GLS: variants seen among roughly 807,000 people sequenced by gnomAD.
GLS encodes the protein glutaminase kidney isoform, mitochondrial.
In GLS, 36 loss-of-function variants were observed where a neutral mutation model predicts 86.7. The ratio of observed to expected loss-of-function variants is 0.42; its 90% CI spans 0.32 to 0.55. The LOEUF is 0.55. Ranked by LOEUF, GLS falls within the 20% of genes least tolerant of loss-of-function variation. The pLI, the probability that GLS is intolerant of heterozygous loss-of-function variation, is 0.17. For missense variants in GLS, 528 were observed against 833.4 expected, an observed-to-expected ratio of 0.63 and a Z score of 4.51; for synonymous variants, 317 against 305.9, an observed-to-expected ratio of 1.04 and a Z score of -0.38.
Position 190,947,806 on chromosome 2 carries a change from G to A in GLS, c.1651-5759G>A, listed in dbSNP as rs1033249. On this transcript the variant is annotated intron_variant, in intron 14 of 17. Coordinates refer to ENST00000320717, the MANE Select transcript of GLS (RefSeq NM_014905.5). The surrounding 1 kb of genome is among the most constrained non-coding windows in gnomAD (Gnocchi z 5.0). ...ACCTACATCCTTTGCAAGTATTGGT[G>A]TGGAGGTGGATGACTGATCTTCTAG... 0.11 allele frequency among the ~76,000 whole-genome samples: 15,992 copies of A among 152,180 alleles called. 1,179 individuals carry two copies. Among genetic ancestry groups the A allele is most frequent in the Non-Finnish European group, 0.17 (11,301 of 67,966 alleles).
intron 17 of GLS, among the ~76,000 whole-genome samples, chr2:190,957,564 T>C (rs1430961047): frequency 6.6e-6 from 1 of 152,230 alleles, no homozygotes; most frequent in Non-Finnish European, 1.5e-5. Flanking sequence ...ATAGCTCTTA[T>C]TATTTTGAGA....
intron 1 of GLS, 163 bp downstream of exon 1, chr2:190,881,633 GCCCCGCCCGCGCCTT>G (rs959908716): frequency 5.1e-5 from 32 of 627,880 alleles, no homozygotes; most frequent in Non-Finnish European, 6.8e-5. Flanking sequence ...ATTAGGCCCG[GCCCCGCCCGCGCCTT>G]CCCCGCCCGC....
chr2:190,917,317 T>C (rs1029994148), intron 7 of GLS, among the ~76,000 whole-genome samples: 1 of 152,232 alleles, frequency 6.6e-6, no homozygotes, highest in African/African-American at 2.4e-5. Context: ...TCCTCATCCG[T>C]TGAAGTTTTA....
At position 190,921,252 on chromosome 2, in the gene GLS, T is replaced by C. The variant is rs773029212; in HGVS notation, c.1130+49T>C. The C allele has an allele frequency of 8.6e-6, 10 of 1,162,214 alleles. No homozygotes were observed. The South Asian group carries it at 1.1e-4, about 13-fold the overall frequency. The allele number at this position is 1,162,214 out of a possible 1,614,324, so 72.0% of individuals were successfully genotyped here. A position where few individuals can be genotyped will look rare whatever the true frequency, so the allele number is the denominator to read the frequency against. On this transcript the variant is annotated intron_variant, in intron 9 of 17. Transcript: ENST00000320717. The surrounding 1 kb of genome is among the most constrained non-coding windows in gnomAD (Gnocchi z 4.2). ...GTTACGTAAAAACACACAACTGTAT[T>C]TAGAATTGATCCACTCTCTTTTCAT...
At position 190,938,431 on chromosome 2, in the gene GLS, A is replaced by G. The variant is rs1690336810; in HGVS notation, c.1650+6794A>G. 6.6e-6 allele frequency among the ~76,000 whole-genome samples: 1 copy of G among 151,594 alleles called. No individual in the cohort carries two copies. Among genetic ancestry groups the G allele is most frequent in the Non-Finnish European group, 1.5e-5 (1 of 67,540 alleles). On this transcript the variant is annotated intron_variant, in intron 14 of 17. Coordinates refer to ENST00000320717, the MANE Select transcript of GLS (RefSeq NM_014905.5). The surrounding 1 kb of genome is among the most constrained non-coding windows in gnomAD (Gnocchi z 4.1). Reference sequence around the variant, plus strand: ...AATTTATATTCTGTAAAACAGCCGAAGGCTTTCTTTTGTTTTTAAAACATA... The same window carrying G: ...AATTTATATTCTGTAAAACAGCCGAGGGCTTTCTTTTGTTTTTAAAACATA...
Position 190,962,888 on chromosome 2 carries a change from A to G in GLS, c.1912A>G (p.Ile638Val), listed in dbSNP as rs1205763236. The G allele has an allele frequency of 6.3e-7, 1 of 1,599,490 alleles. No individual in the cohort carries two copies. The highest frequency in any genetic ancestry group is 8.5e-7 in the Non-Finnish European group (1 of 1,175,340). The change falls in exon 18 of 18, where the codon ATT (isoleucine) becomes GTT (valine). Residue 638 changes from isoleucine to valine, a missense_variant. By Grantham distance (29) the Ile-to-Val change is conservative. Around this residue, in one of 4 missense-constraint regions of GLS, gnomAD observed 30 missense variants for 36.9 expected, o/e 0.81. Coordinates refer to ENST00000320717, the MANE Select transcript of GLS (RefSeq NM_014905.5). This position sits in a 1 kb window ranked among gnomAD's most constrained non-coding sequence, Gnocchi z 4.2. The stretch of plus-strand genomic sequence containing the variant: ...CTTTGGACACCATGATGTATTTAAA[A>G]TTCTCCAAGAATACCAAGTCCAGTA... ...LHFGHHDVFK[I>V]LQEYQVQYTP...
At chr2:190,888,455 A>G (rs1253901471) in intron 1 of GLS, among the ~76,000 whole-genome samples, 1 of 152,190 alleles carries the variant, frequency 6.6e-6, no homozygotes, top group Non-Finnish European at 1.5e-5. Flanking sequence ...TTAAGGATGC[A>G]TTATTATACT....
At chr2:190,896,321 A>G in intron 3 of GLS, 1 of 152,280 alleles carries the variant, frequency 6.6e-6, no homozygotes, top group Non-Finnish European at 1.5e-5. Context: ...ATTTGCATAT[A>G]TTTATTATTT....
intron 14 of GLS, chr2:190,933,004 T>C: frequency 4.2e-6 from 5 of 1,188,086 alleles, no homozygotes; most frequent in Non-Finnish European, 5.2e-6. Context: ...TTTTTTTCCT[T>C]TTAATCTTTG....
chr2:190,919,334 C>T (rs1212844889), intron 7 of GLS, among the ~76,000 whole-genome samples: 1 of 152,062 alleles, frequency 6.6e-6, no homozygotes, highest in East Asian at 1.9e-4. Context: ...TTTAGTAAGT[C>T]ACAAAATAGA....
intron 14 of GLS, among the ~76,000 whole-genome samples, chr2:190,942,464 A>C (rs185247747): frequency 4.9e-4 from 74 of 152,304 alleles, no homozygotes; most frequent in African/African-American, 1.7e-3. Context: ...AGAGAGAGAA[A>C]GTTGAAGTTT....
Position 190,913,327 on chromosome 2 carries a change from A to G in GLS, c.1038+3006A>G. ...ATTCTTAACTACTAAGCTTATAGGA[A>G]AACTCCAATATTTAAAATTTTAAAC... On this transcript the variant is annotated intron_variant, in intron 7 of 17. Transcript: ENST00000320717. This position sits in a 1 kb window ranked among gnomAD's most constrained non-coding sequence, Gnocchi z 6.1. The G allele has an allele frequency of 8.3e-7, 1 of 1,211,364 alleles. No homozygotes were observed. Among genetic ancestry groups the G allele is most frequent in the Non-Finnish European group, 1.1e-6 (1 of 941,678 alleles). 75.0% of individuals were successfully genotyped at this position (1,211,364 alleles called of 1,614,324 possible). A position where few individuals can be genotyped will look rare whatever the true frequency, so the allele number is the denominator to read the frequency against.
rs1188858771 is a variant in GLS at position 190,965,491 on chromosome 2, T to A, written c.*2505T>A. On this transcript the variant is annotated 3_prime_UTR_variant, in exon 18 of 18. Transcript: ENST00000320717. The surrounding 1 kb of genome is among the most constrained non-coding windows in gnomAD (Gnocchi z 5.0). The stretch of plus-strand genomic sequence containing the variant: ...ATTCTGAAATTGGGAAACATTTATT[T>A]TAAATGCAATCAGGTAGTGTTGCTT... 6.6e-6 allele frequency: 1 copy of A among 152,664 alleles called. No homozygotes were observed. Among genetic ancestry groups the A allele is most frequent in the Non-Finnish European group, 1.5e-5 (1 of 68,040 alleles). 9.5% of individuals were successfully genotyped at this position (152,664 alleles called of 1,614,324 possible).
At position 190,921,813 on chromosome 2, in the gene GLS, A is replaced by G. The variant is rs1295417118; in HGVS notation, c.1130+610A>G. Among the ~76,000 whole-genome samples the G allele has an allele frequency of 3.3e-5, 5 of 152,104 alleles. No homozygotes were observed. The highest frequency in any genetic ancestry group is 7.4e-5 in the Non-Finnish European group (5 of 67,942). ...TAACACATGTAAGAACGTTAACGTT[A>G]ATTTTAAAATATCATGACATTAATC... On this transcript the variant is annotated intron_variant, in intron 9 of 17. Transcript: ENST00000320717. This position sits in a 1 kb window ranked among gnomAD's most constrained non-coding sequence, Gnocchi z 4.2.
At position 190,938,266 on chromosome 2, in the gene GLS, C is replaced by A. The variant is rs1347734990; in HGVS notation, c.1650+6629C>A. On this transcript the variant is annotated intron_variant, in intron 14 of 17. Transcript: ENST00000320717. This position sits in a 1 kb window ranked among gnomAD's most constrained non-coding sequence, Gnocchi z 4.1. The stretch of plus-strand genomic sequence containing the variant: ...TAATTAAAATTATCTATTTGGAAGG[C>A]TTAGCTTTTGAAAGAAAAAATTCTT... Among the ~76,000 whole-genome samples the A allele has an allele frequency of 6.6e-6, 1 of 151,274 alleles. No individual in the cohort carries two copies. Among genetic ancestry groups the A allele is most frequent in the Non-Finnish European group, 1.5e-5 (1 of 67,458 alleles).
chr2:190,911,376 CTA>C (rs1689354114), intron 7 of GLS, among the ~76,000 whole-genome samples: 1 of 152,064 alleles, frequency 6.6e-6, no homozygotes, highest in South Asian at 2.1e-4. Context: ...TCTTAAGAAT[CTA>C]TATGTTTACT....
At position 190,924,614 on chromosome 2, in the gene GLS, G is replaced by A. The variant is rs746761957; in HGVS notation, c.1248+21G>A. The A allele has an allele frequency of 1.8e-5, 24 of 1,316,866 alleles. No individual in the cohort carries two copies. In the Admixed American group the frequency reaches 1.8e-4, roughly 10 times the overall value. The allele number at this position is 1,316,866 out of a possible 1,614,324, so 81.6% of individuals were successfully genotyped here. On this transcript the variant is annotated intron_variant, in intron 11 of 17. Transcript: ENST00000320717. The surrounding 1 kb of genome is among the most constrained non-coding windows in gnomAD (Gnocchi z 5.2). ...TCCAGGTAATCTAATTATGTAAATC[G>A]TATATATAAATGGATGTGTCGGCTG...
intron 5 of GLS, among the ~76,000 whole-genome samples, chr2:190,904,507 G>A (rs1022166447): frequency 6.6e-6 from 1 of 151,948 alleles, no homozygotes; most frequent in Non-Finnish European, 1.5e-5. Flanking sequence ...AATAAACATA[G>A]GTCAATTCTG....
At chr2:190,958,731 G>A (rs1416115085) in intron 17 of GLS, among the ~76,000 whole-genome samples, 1 of 152,156 alleles carries the variant, frequency 6.6e-6, no homozygotes, top group Non-Finnish European at 1.5e-5. Context: ...GTACAGTTTT[G>A]AGTGAGTTTG....
Sources: gnomAD v4.1 joint callset for allele counts (sites outside exome capture counted in the v4.1 genomes callset) on GRCh38, gnomAD v4.1.1 for gene constraint, gnomAD v4.1.1 regional missense constraint, Gnocchi (gnomAD v3.1) non-coding constraint, MANE v1.5 for transcripts, NCBI Gene and HGNC (gene_info 2026-07-23, HGNC 2026-07-21) for gene names.